GABRB1: variants seen among roughly 807,000 people sequenced by gnomAD.
The protein encoded by GABRB1 is gamma-aminobutyric acid receptor subunit beta-1.
In GABRB1, 17 loss-of-function variants were observed where a neutral mutation model predicts 51.6. That is an observed-to-expected ratio of 0.33 (90% CI 0.23 to 0.49). The LOEUF (loss-of-function observed/expected upper bound fraction) is 0.49, where lower values mean the gene tolerates loss of function less well. Among genes scored for constraint, GABRB1 ranks in the 20% least tolerant of loss-of-function variants. GABRB1 has a pLI of 0.99. For missense variants in GABRB1, 410 were observed against 600.6 expected (o/e 0.68, Z 3.32); for synonymous variants, 247 against 218.9 (o/e 1.13, Z -1.14).
At chr4:47,283,797 G>T (rs1723394794) in intron 4 of GABRB1, among the ~76,000 whole-genome samples, 1 of 152,022 alleles carries the variant, frequency 6.6e-6, no homozygotes, top group Admixed American at 6.5e-5. Flanking sequence ...ATGTAGAATT[G>T]GGTTCAGAAC....
chr4:47,126,033 C>A (rs1397099800), intron 3 of GABRB1, among the ~76,000 whole-genome samples: 1 of 151,266 alleles, frequency 6.6e-6, no homozygotes, highest in Non-Finnish European at 1.5e-5. Flanking sequence ...TATATACACA[C>A]ATATATATGT....
chr4:47,175,489 T>A (rs1718656516), intron 4 of GABRB1, among the ~76,000 whole-genome samples: 1 of 152,208 alleles, frequency 6.6e-6, no homozygotes, highest in Admixed American at 6.5e-5. Flanking sequence ...AAGTGTCTAC[T>A]CTTAACACTA....
chr4:47,328,669 G>A (rs376909637), intron 5 of GABRB1, among the ~76,000 whole-genome samples: 81 of 151,814 alleles, frequency 5.3e-4, no homozygotes, highest in Non-Finnish European at 7.7e-4. Flanking sequence ...TCACAAGGAC[G>A]AAAAACCAAA....
At chr4:47,026,254 A>C (rs1725089213) in intron 1 of GABRB1, among the ~76,000 whole-genome samples, 1 of 152,044 alleles carries the variant, frequency 6.6e-6, no homozygotes, top group South Asian at 2.1e-4. Context: ...TGTATCACTT[A>C]TTGTTGCATA....
At chr4:47,361,479 G>A (rs1726802842) in intron 5 of GABRB1, among the ~76,000 whole-genome samples, 2 of 152,068 alleles carry the variant, frequency 1.3e-5, no homozygotes, top group Admixed American at 1.3e-4. Flanking sequence ...TAGAAGAGAC[G>A]GAGCAAAATG....
chr4:47,228,569 C>G (rs1470564464), intron 4 of GABRB1, among the ~76,000 whole-genome samples: 2 of 152,070 alleles, frequency 1.3e-5, no homozygotes, highest in Non-Finnish European at 2.9e-5. Context: ...TGGTAGCACT[C>G]TGGATCTTTG....
intron 3 of GABRB1, among the ~76,000 whole-genome samples, chr4:47,045,252 C>T (rs187054310): frequency 3.9e-5 from 6 of 151,990 alleles, no homozygotes; most frequent in Non-Finnish European, 7.4e-5. Flanking sequence ...CCTAGGAAAC[C>T]CAGGATTTAT....
chr4:47,385,954 G>GT (rs1438556248), intron 5 of GABRB1, among the ~76,000 whole-genome samples: 1 of 152,210 alleles, frequency 6.6e-6, no homozygotes, highest in Non-Finnish European at 1.5e-5. Context: ...GCAGGGAGTT[G>GT]TGGGGGTGCA....
At chr4:47,424,980 T>C (rs28588324) in intron 8 of GABRB1, among the ~76,000 whole-genome samples, 7,311 of 152,280 alleles carry the variant, frequency 0.048, 597 homozygotes, top group African/African-American at 0.17. Context: ...CTGTCAATTT[T>C]GCCTAAGGAA....
chr4:47,027,696 G>A (rs1435327019), upstream of GABRB1, among the ~76,000 whole-genome samples: 1 of 151,494 alleles, frequency 6.6e-6, no homozygotes, highest in African/African-American at 2.4e-5. Context: ...GAGATTTTTA[G>A]ATTGTATTAA....
chr4:47,131,927 A>G (rs1716434771), intron 3 of GABRB1, among the ~76,000 whole-genome samples: 1 of 152,324 alleles, frequency 6.6e-6, no homozygotes, highest in Middle Eastern at 3.4e-3. Context: ...AGAATTTGAT[A>G]TTAATGTATT....
chr4:47,354,518 G>A (rs147910623), intron 5 of GABRB1, among the ~76,000 whole-genome samples: 1,685 of 152,076 alleles, frequency 0.011, 10 homozygotes, highest in Non-Finnish European at 0.018. Context: ...AATCTAAACC[G>A]GGTGCTCTCC....
intron 4 of GABRB1, among the ~76,000 whole-genome samples, chr4:47,249,196 G>T (rs1441719192): frequency 2.0e-5 from 3 of 151,964 alleles, no homozygotes; most frequent in Non-Finnish European, 2.9e-5. Flanking sequence ...CTAGAGGTTT[G>T]ATAGATTGTG....
chr4:47,299,759 T>C (rs1173735537), intron 4 of GABRB1, among the ~76,000 whole-genome samples: 1 of 152,184 alleles, frequency 6.6e-6, no homozygotes, highest in East Asian at 1.9e-4. Context: ...CAAAGGACTA[T>C]AAATCATGCT....
chr4:47,145,497 A>T (rs1434640931), intron 3 of GABRB1, among the ~76,000 whole-genome samples: 1 of 152,042 alleles, frequency 6.6e-6, no homozygotes, highest in African/African-American at 2.4e-5. Flanking sequence ...AAGGACACTG[A>T]TTACACGCAC....
chr4:47,333,190 TTATTTA>T lies in GABRB1; in HGVS notation c.544+12985_544+12990del, dbSNP rs1314943035. ...TATACATATATATTTAAAACCCATT[TTATTTA>T]TATATATATATATATATATATATAT... On this transcript the variant is annotated intron_variant, in intron 5 of 8. Transcript: ENST00000295454. Among the ~76,000 whole-genome samples, 143 of 83,466 alleles carry T rather than the reference TTATTTA, an allele frequency of 1.7e-3. 1 individual carries two copies. In the East Asian group the frequency reaches 0.019, roughly 11 times the overall value. The allele number at this position is 83,466 out of a possible 152,430, so 54.8% of individuals were successfully genotyped here. A position where few individuals can be genotyped will look rare whatever the true frequency, so the allele number is the denominator to read the frequency against.
At chr4:47,041,067 G>A (rs983099052) in intron 3 of GABRB1, among the ~76,000 whole-genome samples, 17 of 152,114 alleles carry the variant, frequency 1.1e-4, no homozygotes, top group African/African-American at 3.1e-4. Flanking sequence ...GTTTCCATGT[G>A]AGATTGCATG....
chr4:47,298,602 T>C (rs1254576036), intron 4 of GABRB1, among the ~76,000 whole-genome samples: 3 of 152,126 alleles, frequency 2.0e-5, no homozygotes, highest in African/African-American at 7.2e-5. Context: ...TACAAAGAAA[T>C]GGAAGAACAT....
At chr4:47,294,832 G>A (rs894017173) in intron 4 of GABRB1, among the ~76,000 whole-genome samples, 5 of 152,180 alleles carry the variant, frequency 3.3e-5, no homozygotes, top group East Asian at 3.9e-4. Context: ...CCTGACCCCC[G>A]AGCAGCCTAA....
Sources: gnomAD v4.1 joint callset for allele counts (sites outside exome capture counted in the v4.1 genomes callset) on GRCh38, gnomAD v4.1.1 for gene constraint, MANE v1.5 for transcripts, NCBI Gene and HGNC (gene_info 2026-07-23, HGNC 2026-07-21) for gene names.